The following ABCB1 variants were observed in gnomAD, a reference collection of about 807,000 sequenced individuals.
ABCB1 encodes ATP-dependent translocase ABCB1.
A neutral mutation model predicts 142.0 loss-of-function variants in ABCB1; 69 were observed. That is an observed-to-expected ratio of 0.49 (90% CI 0.40 to 0.59). The LOEUF is 0.59. Ranked by LOEUF, ABCB1 falls within the 20% of genes least tolerant of loss-of-function variation. The pLI, the probability that ABCB1 is intolerant of heterozygous loss-of-function variation, is 0.00. For synonymous variants in ABCB1, 532 were observed against 539.2 expected (o/e 0.99, Z 0.18); for missense variants, 1,326 against 1,554.7 (o/e 0.85, Z 2.47).
At chr7:87,539,247 C>A (rs1816421926) in intron 19 of ABCB1, 21 bp downstream of exon 19, 1 of 1,612,426 alleles carries the variant, frequency 6.2e-7, no homozygotes, top group South Asian at 1.1e-5. Flanking sequence ...CATCCCAGGG[C>A]ACAGCCCTCG....
At chr7:87,566,287 A>T in intron 6 of ABCB1, 46 bp from the exon 7 acceptor site, 12 of 1,590,560 alleles carry the variant, frequency 7.5e-6, no homozygotes, top group Non-Finnish European at 1.0e-5. Flanking sequence ...AATTGTAAAC[A>T]TCAACTTTTC....
At chr7:87,536,674 A>G (rs1026515078) in intron 19 of ABCB1, 133 bp from the exon 20 acceptor site, 3 of 757,296 alleles carry the variant, frequency 4.0e-6, no homozygotes, top group Non-Finnish European at 7.0e-6. Flanking sequence ...GACATTCAAT[A>G]CACAAGAAAG....
At chr7:87,615,631 A>G (rs1261831858) in intron 1 of ABCB1, among the ~76,000 whole-genome samples, 1 of 152,204 alleles carries the variant, frequency 6.6e-6, no homozygotes, top group Non-Finnish European at 1.5e-5. Flanking sequence ...GAATAATGAA[A>G]AGTGCTTAGA....
chr7:87,563,902 C>T (rs932978223), intron 7 of ABCB1, among the ~76,000 whole-genome samples: 1 of 152,132 alleles, frequency 6.6e-6, no homozygotes, highest in Non-Finnish European at 1.5e-5. Flanking sequence ...GCTTAGCAAA[C>T]TAACTCAGGA....
At chr7:87,534,254 C>T (rs969752232) in intron 20 of ABCB1, among the ~76,000 whole-genome samples, 27 of 152,188 alleles carry the variant, frequency 1.8e-4, no homozygotes, top group African/African-American at 4.8e-4. Context: ...AAATGTGATG[C>T]GGGATATTTG....
intron 8 of ABCB1, among the ~76,000 whole-genome samples, chr7:87,557,338 C>A (rs1367587485): frequency 1.2e-4 from 18 of 152,130 alleles, no homozygotes; most frequent in Non-Finnish European, 1.8e-4. Flanking sequence ...AAACCTAGAA[C>A]CTAGCACAGT....
intron 21 of ABCB1, among the ~76,000 whole-genome samples, chr7:87,529,881 A>G (rs1815954684): frequency 6.6e-6 from 1 of 152,222 alleles, no homozygotes; most frequent in Admixed American, 6.5e-5. Context: ...CCAGACCACA[A>G]TAGAACCCTG....
chr7:87,686,336 A>C (rs1474615707), intron 1 of ABCB1, among the ~76,000 whole-genome samples: 4 of 152,228 alleles, frequency 2.6e-5, no homozygotes, highest in Non-Finnish European at 5.9e-5. Context: ...AATGTCATCA[A>C]GTCATAATAG....
rs1212957 is a variant in ABCB1, at chr7:87,508,141, G to A, written c.3489+1134C>T. Among the ~76,000 whole-genome samples, 22 of 152,116 alleles carry A rather than the reference G, an allele frequency of 1.4e-4. No individual in the cohort carries two copies. In the East Asian group the frequency reaches 3.3e-3, roughly 23 times the overall value. On this transcript the variant is annotated intron_variant, in intron 26 of 27. Transcript: ENST00000622132. ...TGTACCCCCTAAGTCTAAAATAAAG[G>A]TTGGAAAAAATCTAATTTTGGACTT...
At chr7:87,661,280 T>C (rs1239767397) in intron 1 of ABCB1, among the ~76,000 whole-genome samples, 1 of 151,900 alleles carries the variant, frequency 6.6e-6, no homozygotes, top group Non-Finnish European at 1.5e-5. Flanking sequence ...TTATACTCTT[T>C]TAGTTATTTT....
chr7:87,683,480 A>G (rs1302992429), intron 1 of ABCB1, among the ~76,000 whole-genome samples: 1 of 152,160 alleles, frequency 6.6e-6, no homozygotes, highest in African/African-American at 2.4e-5. Flanking sequence ...CTTAGAGGCC[A>G]TTATAGGATT....
At chr7:87,672,061 C>A (rs1006937300) in intron 1 of ABCB1, among the ~76,000 whole-genome samples, 21 of 152,106 alleles carry the variant, frequency 1.4e-4, no homozygotes, top group African/African-American at 5.1e-4. Flanking sequence ...CTCAGACTCT[C>A]CAAATCCCAA....
At chr7:87,696,247 GC>G (rs1213522870) in intron 1 of ABCB1, among the ~76,000 whole-genome samples, 4 of 152,066 alleles carry the variant, frequency 2.6e-5, no homozygotes, top group Non-Finnish European at 4.4e-5. Context: ...TCAGTTTCTT[GC>G]TATATGATTG....
chr7:87,539,590 A>G (rs141797396), intron 18 of ABCB1, among the ~76,000 whole-genome samples: 101 of 152,310 alleles, frequency 6.6e-4, no homozygotes, highest in Middle Eastern at 6.8e-3. Context: ...CACAGTTATA[A>G]GGTCACAGAG....
intron 21 of ABCB1, among the ~76,000 whole-genome samples, chr7:87,523,411 T>C (rs1348353602): frequency 6.6e-6 from 1 of 152,110 alleles, no homozygotes; most frequent in Non-Finnish European, 1.5e-5. Flanking sequence ...GTGGATCATT[T>C]GAAGTAAGGA....
intron 21 of ABCB1, chr7:87,522,092 G>A (rs761941382): frequency 1.4e-4 from 179 of 1,239,930 alleles, no homozygotes; most frequent in Admixed American, 3.9e-4. Flanking sequence ...GGTAGTTTCG[G>A]TGGGAATGAC....
At position 87,566,059 on chromosome 7, in the gene ABCB1, G is replaced by C. The variant is rs1327216060; in HGVS notation, c.702+11C>G. 3 of 1,613,956 alleles carry C rather than the reference G, an allele frequency of 1.9e-6. No individual in the cohort carries two copies. The highest frequency in any genetic ancestry group is 4.5e-5 in the East Asian group (2 of 44,890). ...TGCAGTTCAAAATCTGGATTCACAG[G>C]CTTCACCTACCTTTGCCCAGACAGC... is the stretch of plus-strand genomic sequence containing the variant. On this transcript the variant is annotated intron_variant, in intron 7 of 27. Transcript: ENST00000622132.
chr7:87,643,247 G>T (rs566013148), intron 1 of ABCB1, among the ~76,000 whole-genome samples: 1 of 151,914 alleles, frequency 6.6e-6, no homozygotes, highest in East Asian at 1.9e-4. Flanking sequence ...TTTACATTGC[G>T]TAAAATTTTT....
In ABCB1 at chr7:87,519,420, T is replaced by A; in HGVS notation, c.2833A>T (p.Thr945Ser). The A allele has an allele frequency of 6.2e-7, 1 of 1,614,100 alleles. No homozygotes were observed. The highest frequency in any genetic ancestry group is 8.5e-7 in the Non-Finnish European group (1 of 1,179,972). Residue 945 changes from threonine to serine, a missense_variant, in exon 23 of 28, where the codon ACC becomes TCC. Physicochemically the swap from Thr to Ser is moderately conservative, Grantham distance 58. Coordinates refer to ENST00000622132, the MANE Select transcript of ABCB1 (RefSeq NM_001348946.2). ...AHIFGITFSF[T>S]QAMMYFSYAG... ...TAGGAAAAATACATCATTGCCTGGG[T>A]GAAGGAAAATGTAATTCCAAAGATG...
Sources: gnomAD v4.1 joint callset for allele counts (sites outside exome capture counted in the v4.1 genomes callset) on GRCh38, gnomAD v4.1.1 for gene constraint, MANE v1.5 for transcripts, NCBI Gene and HGNC (gene_info 2026-07-23, HGNC 2026-07-21) for gene names.